Variants in MAGI3 observed in about 807,000 individuals in gnomAD.
The protein encoded by MAGI3 is membrane-associated guanylate kinase, WW and PDZ domain-containing protein 3.
MAGI3 carries 43 observed loss-of-function variants against 121.8 expected under a neutral mutation model. The observed-to-expected ratio is 0.35, with a 90% CI of 0.28 to 0.46. The LOEUF (loss-of-function observed/expected upper bound fraction) is 0.46. Among genes scored for constraint, MAGI3 ranks in the 20% least tolerant of loss-of-function variants. The pLI is 1.00. For missense variants in MAGI3, 1,547 were observed against 1,797.3 expected (o/e 0.86, Z 2.52); for synonymous variants, 553 against 639.3 (o/e 0.86, Z 2.04).
At chr1:113,660,284 G>C (rs1001972634) in intron 16 of MAGI3, among the ~76,000 whole-genome samples, 1 of 152,090 alleles carries the variant, frequency 6.6e-6, no homozygotes, top group African/African-American at 2.4e-5. Flanking sequence ...TCTCCATTCT[G>C]TTCCTATACT....
At chr1:113,524,856 C>T (rs1658378310) in intron 1 of MAGI3, among the ~76,000 whole-genome samples, 1 of 152,072 alleles carries the variant, frequency 6.6e-6, no homozygotes, top group South Asian at 2.1e-4. Flanking sequence ...TGGCTGTGTT[C>T]CCACCCAAAT....
At chr1:113,579,142 C>A (rs1377367316) in intron 2 of MAGI3, among the ~76,000 whole-genome samples, 1 of 152,148 alleles carries the variant, frequency 6.6e-6, no homozygotes, top group Non-Finnish European at 1.5e-5. Context: ...ATATTCAGCA[C>A]CTACTGTGAT....
At chr1:113,514,519 G>A (rs544718554) in intron 1 of MAGI3, among the ~76,000 whole-genome samples, 9 of 151,404 alleles carry the variant, frequency 5.9e-5, no homozygotes, top group South Asian at 4.2e-4. Context: ...GTAAACTATC[G>A]CAAGAACAAA....
At chr1:113,497,220 G>GCACTCCAGCCTGGGT (rs1322712187) in intron 1 of MAGI3, among the ~76,000 whole-genome samples, 10 of 145,228 alleles carry the variant, frequency 6.9e-5, no homozygotes, top group African/African-American at 1.5e-4. Context: ...TCACACCACT[G>GCACTCCAGCCTGGGT]GAATAGGAAC....
chr1:113,492,582 A>G (rs1006824868), intron 1 of MAGI3, among the ~76,000 whole-genome samples: 4 of 152,200 alleles, frequency 2.6e-5, no homozygotes, highest in African/African-American at 7.2e-5. Flanking sequence ...CAGAGCATCC[A>G]TATAGGAGGA....
intron 15 of MAGI3, among the ~76,000 whole-genome samples, chr1:113,657,407 C>T (rs910371691): frequency 6.6e-6 from 1 of 152,204 alleles, no homozygotes; most frequent in Non-Finnish European, 1.5e-5. Context: ...ACCCAGACAA[C>T]CAGCCCTTTA....
Position 113,642,045 on chromosome 1 carries a change from G to T in MAGI3, c.1495G>T (p.Asp499Tyr). Residue 499 changes from aspartate (D) to tyrosine (Y), a missense_variant, in exon 10 of 21, where the codon GAC becomes TAC. Transcript: ENST00000307546. ...TLCRGYPLPD[D>Y]SEDPVVDIVA... ...ATGTCGTGGTTATCCACTTCCTGAT[G>T]ACAGTGAAGATCCTGTTGTGGACAT... is the stretch of plus-strand genomic sequence containing the variant. 1 of 1,614,140 alleles carries T rather than the reference G, an allele frequency of 6.2e-7. No homozygotes were observed. The highest frequency in any genetic ancestry group is 1.1e-5 in the South Asian group (1 of 91,070).
chr1:113,651,792 A>AT (rs1396804517), intron 14 of MAGI3, among the ~76,000 whole-genome samples: 4 of 152,160 alleles, frequency 2.6e-5, no homozygotes, highest in Non-Finnish European at 5.9e-5. Context: ...TGCCCAGCCT[A>AT]AATTTGTTTT....
At chr1:113,611,651 C>T (rs1017454311) in intron 6 of MAGI3, among the ~76,000 whole-genome samples, 6 of 152,086 alleles carry the variant, frequency 3.9e-5, no homozygotes, top group African/African-American at 1.2e-4. Context: ...CCATCTATTT[C>T]GTCCTTTATT....
chr1:113,620,790 T>G (rs1650771259), intron 8 of MAGI3, among the ~76,000 whole-genome samples: 1 of 152,166 alleles, frequency 6.6e-6, no homozygotes, highest in Non-Finnish European at 1.5e-5. Flanking sequence ...AGGAGCAGGT[T>G]TGAATCCCAG....
At chr1:113,671,447 T>G (rs535104680) in intron 16 of MAGI3, among the ~76,000 whole-genome samples, 1 of 152,332 alleles carries the variant, frequency 6.6e-6, no homozygotes, top group East Asian at 1.9e-4. Context: ...TAGATAAATA[T>G]TATGTTCATT....
intron 1 of MAGI3, among the ~76,000 whole-genome samples, chr1:113,393,282 G>A (rs937986678): frequency 2.6e-5 from 4 of 152,082 alleles, no homozygotes; most frequent in Admixed American, 6.5e-5. Flanking sequence ...CACAGACACT[G>A]TTCTATTTTA....
At chr1:113,608,106 C>T (rs1649903173) in intron 6 of MAGI3, among the ~76,000 whole-genome samples, 1 of 152,078 alleles carries the variant, frequency 6.6e-6, no homozygotes, top group South Asian at 2.1e-4. Context: ...TGACATGTCT[C>T]TCTTGTAGCA....
intron 1 of MAGI3, among the ~76,000 whole-genome samples, chr1:113,415,594 C>T (rs563225971): frequency 3.3e-5 from 5 of 151,904 alleles, no homozygotes; most frequent in African/African-American, 4.8e-5. Flanking sequence ...TTTAGTCGTT[C>T]CTGTTTTTTT....
rs182721598 is a variant in MAGI3 at position 113,643,648 on chromosome 1, A to G, written c.1967-95A>G. ...TAGACACAGAATTTACTAGCGTACT[A>G]AAAGTTGAAGCTAGTTTTATCGTAA... is the stretch of plus-strand genomic sequence containing the variant. On this transcript the variant is annotated intron_variant, in intron 10 of 20. Coordinates refer to ENST00000307546, the MANE Select transcript of MAGI3 (RefSeq NM_001142782.2). The G allele has an allele frequency of 2.0e-5, 23 of 1,167,038 alleles. No individual in the cohort carries two copies. The East Asian group carries it at 5.1e-4, about 26-fold the overall frequency. 72.3% of individuals were successfully genotyped at this position (1,167,038 alleles called of 1,614,324 possible).
At chr1:113,416,345 T>C (rs866574553) in intron 1 of MAGI3, among the ~76,000 whole-genome samples, 12,978 of 113,736 alleles carry the variant, frequency 0.11, 1,627 homozygotes, top group Non-Finnish European at 0.16. Flanking sequence ...AATCATATAT[T>C]AATTATATAT....
intron 9 of MAGI3, among the ~76,000 whole-genome samples, chr1:113,640,676 G>T (rs993656579): frequency 1.3e-5 from 2 of 151,740 alleles, no homozygotes; most frequent in African/African-American, 4.8e-5. Context: ...GTTGAACAAT[G>T]AGAACACATG....
chr1:113,650,992 C>A (rs1437541039), intron 13 of MAGI3, 22 bp from the exon 14 acceptor site: 2 of 1,605,774 alleles, frequency 1.2e-6, no homozygotes, highest in Non-Finnish European at 1.7e-6. Context: ...GTGGACCAAA[C>A]TGTACTTTGT....
chr1:113,641,851 A>G (rs1371258972), intron 9 of MAGI3, 60 bp from the exon 10 acceptor site: 2 of 1,476,134 alleles, frequency 1.4e-6, no homozygotes, highest in Non-Finnish European at 1.8e-6. Context: ...TTGCCCCTCT[A>G]GCAAAAAAAT....
Sources: allele counts gnomAD v4.1 joint callset (sites outside exome capture counted in the v4.1 genomes callset), GRCh38; gene constraint gnomAD v4.1.1; transcripts MANE v1.5; gene names NCBI Gene and HGNC (gene_info 2026-07-23, HGNC 2026-07-21).